Variants in RUBCN observed in about 807,000 individuals in gnomAD.
The protein encoded by RUBCN is run domain Beclin-1-interacting and cysteine-rich domain-containing protein.
In RUBCN, 74 loss-of-function variants were observed where a neutral mutation model predicts 113.2. The ratio of observed to expected loss-of-function variants is 0.65; its 90% confidence interval spans 0.54 to 0.79. RUBCN has a LOEUF of 0.79. Ranked by LOEUF, RUBCN falls within the 30% of genes least tolerant of loss-of-function variation. The probability of loss-of-function intolerance (pLI) is 0.00; values close to 1 mark genes in which losing one functional copy is unlikely to be tolerated. For synonymous variants in RUBCN, 480 were observed against 490.0 expected, an observed-to-expected ratio of 0.98 and a Z score of 0.27; for missense variants, 1,109 against 1,251.7, an observed-to-expected ratio of 0.89 and a Z score of 1.72.
chr3:197,714,268 G>T (rs192507824), intron 2 of RUBCN, among the ~76,000 whole-genome samples: 2 of 152,256 alleles, frequency 1.3e-5, no homozygotes, highest in East Asian at 3.9e-4. Context: ...TGACTCCAAA[G>T]ACTTTTGTCA....
chr3:197,672,331 T>C lies in RUBCN; in HGVS notation c.*2687A>G, dbSNP rs530038039. The C allele has an allele frequency of 2.0e-5, 3 of 152,204 alleles. No individual in the cohort carries two copies. Among genetic ancestry groups the C allele is most frequent in the Non-Finnish European group, 4.4e-5 (3 of 68,036 alleles). 9.4% of individuals were successfully genotyped at this position (152,204 alleles called of 1,614,324 possible). A position where few individuals can be genotyped will look rare whatever the true frequency, so the allele number is the denominator to read the frequency against. The stretch of plus-strand genomic sequence containing the variant: ...TTCATTTAGAAGGAATTCTCTTCAG[T>C]GCATTCAAAGCTTCTCCCCGCAACA... On this transcript the variant is annotated 3_prime_UTR_variant, in exon 20 of 20. Transcript: ENST00000296343.
rs142960880 is a variant in RUBCN at position 197,699,618 on chromosome 3, C to T, written c.1261+995G>A. Among the ~76,000 whole-genome samples the T allele has an allele frequency of 7.2e-4, 109 of 152,298 alleles. No individual in the cohort carries two copies. In the Middle Eastern group the frequency reaches 0.01, roughly 14 times the overall value. ...ACATCTAAGAAAGCTCATGGGAAGA[C>T]AGGCTTTGATTTGGAGATTCTTCTC... On this transcript the variant is annotated intron_variant, in intron 7 of 19. Coordinates refer to ENST00000296343, the MANE Select transcript of RUBCN (RefSeq NM_014687.4).
At chr3:197,701,167 G>A (rs1420165357) in intron 6 of RUBCN, 21 bp from the exon 7 acceptor site, 24 of 1,509,336 alleles carry the variant, frequency 1.6e-5, no homozygotes, top group Non-Finnish European at 2.1e-5. Context: ...AAAGGAAATG[G>A]TAAGGGGAGC....
chr3:197,739,310 G>C (rs994539281), upstream of RUBCN, among the ~76,000 whole-genome samples: 1 of 150,460 alleles, frequency 6.6e-6, no homozygotes, highest in African/African-American at 2.4e-5. Flanking sequence ...AGAATGGCTT[G>C]AACCCAGGAG....
At chr3:197,702,189 C>CT (rs1423612830) in intron 5 of RUBCN, among the ~76,000 whole-genome samples, 2 of 152,332 alleles carry the variant, frequency 1.3e-5, no homozygotes, top group African/African-American at 4.8e-5. Context: ...CACTTATCAG[C>CT]TATTTGATCC....
intron 1 of RUBCN, among the ~76,000 whole-genome samples, chr3:197,722,529 G>T (rs1726281040): frequency 6.6e-6 from 1 of 151,524 alleles, no homozygotes; most frequent in African/African-American, 2.4e-5. Flanking sequence ...GACTGTTACT[G>T]TATCAGACTT....
chr3:197,680,204 A>C (rs573295003), intron 16 of RUBCN, among the ~76,000 whole-genome samples: 2 of 134,150 alleles, frequency 1.5e-5, no homozygotes, highest in Non-Finnish European at 3.2e-5. Context: ...GCTCTAACTG[A>C]CAACTGGCTC....
At position 197,674,647 on chromosome 3, in the gene RUBCN, A is replaced by T. The variant is rs1720131589; in HGVS notation, c.*371T>A. On this transcript the variant is annotated 3_prime_UTR_variant, in exon 20 of 20. Transcript: ENST00000296343. ...GAAGCTCCAGAACTGAAACAAAGGAAAATTGGAAATGATACCTGACATGCA... is the reference window on the plus strand; with the variant it reads ...GAAGCTCCAGAACTGAAACAAAGGATAATTGGAAATGATACCTGACATGCA... 2.4e-6 allele frequency: 1 copy of T among 417,418 alleles called. No homozygotes were observed. Among genetic ancestry groups the T allele is most frequent in the Non-Finnish European group, 4.8e-6 (1 of 208,462 alleles). 25.9% of individuals were successfully genotyped at this position (417,418 alleles called of 1,614,324 possible). A position where few individuals can be genotyped will look rare whatever the true frequency, so the allele number is the denominator to read the frequency against.
intron 2 of RUBCN, among the ~76,000 whole-genome samples, chr3:197,713,969 G>A (rs1725239512): frequency 2.0e-5 from 3 of 151,948 alleles, no homozygotes; most frequent in African/African-American, 7.2e-5. Context: ...CCAGCTACTC[G>A]GGAGGCTGAG....
chr3:197,711,564 G>T (rs2108939030), intron 2 of RUBCN, among the ~76,000 whole-genome samples: 1 of 152,146 alleles, frequency 6.6e-6, no homozygotes, highest in East Asian at 1.9e-4. Flanking sequence ...GCTGGGCATG[G>T]TGGCTCATGC....
chr3:197,743,930 G>GGTGAGA (rs1728631084), intron 1 of RUBCN, among the ~76,000 whole-genome samples: 1 of 152,098 alleles, frequency 6.6e-6, no homozygotes, highest in Admixed American at 6.5e-5. Context: ...GTTGCAGTGA[G>GGTGAGA]TCAAGATTGC....
Position 197,734,694 on chromosome 3 carries a change from C to T in RUBCN, c.65+1961G>A, listed in dbSNP as rs1269188416. 2.6e-5 allele frequency among the ~76,000 whole-genome samples: 4 copies of T among 152,172 alleles called. No individual in the cohort carries two copies. The East Asian group carries it at 7.7e-4, about 29-fold the overall frequency. On this transcript the variant is annotated intron_variant, in intron 1 of 19. Coordinates refer to ENST00000296343, the MANE Select transcript of RUBCN (RefSeq NM_014687.4). ...AAAATAACTAACCCAGCCTCCCTCA[C>T]ATGAAGTGGTAGAGGGAAATCAAAA...
chr3:197,694,213 C>T (rs1384498533), intron 10 of RUBCN, 162 bp downstream of exon 10: 1 of 769,834 alleles, frequency 1.3e-6, no homozygotes. Context: ...ATTTCTGATG[C>T]AGGAAACGGA....
intron 11 of RUBCN, among the ~76,000 whole-genome samples, chr3:197,684,455 A>T (rs1012409892): frequency 2.6e-5 from 4 of 152,192 alleles, no homozygotes; most frequent in African/African-American, 9.7e-5. Flanking sequence ...AAAGTGTTAC[A>T]AACTCAGGCA....
chr3:197,683,751 G>T lies in RUBCN; in HGVS notation c.1848-312C>A, dbSNP rs896998740. 2.6e-5 allele frequency among the ~76,000 whole-genome samples: 4 copies of T among 152,124 alleles called. No individual in the cohort carries two copies. Among genetic ancestry groups the T allele is most frequent in the Non-Finnish European group, 5.9e-5 (4 of 68,030 alleles). ...TTATAATGCCTGCTTACAAAACAAA[G>T]TGAGTAAAATTGCTTTGTGGACTAC... is the stretch of plus-strand genomic sequence containing the variant. On this transcript the variant is annotated intron_variant, in intron 12 of 19. Transcript: ENST00000296343. This position sits in a 1 kb window ranked among gnomAD's most constrained non-coding sequence, Gnocchi z 4.6.
At chr3:197,746,969 T>C (rs1172343514) in intron 1 of RUBCN, among the ~76,000 whole-genome samples, 1 of 151,940 alleles carries the variant, frequency 6.6e-6, no homozygotes, top group African/African-American at 2.4e-5. Flanking sequence ...CAGTGCCTGA[T>C]GCTCAATGAA....
At chr3:197,691,975 C>A (rs967343503) in intron 11 of RUBCN, among the ~76,000 whole-genome samples, 1 of 152,052 alleles carries the variant, frequency 6.6e-6, no homozygotes, top group African/African-American at 2.4e-5. Flanking sequence ...AAATACGCCC[C>A]TTTCAATCAT....
intron 2 of RUBCN, among the ~76,000 whole-genome samples, chr3:197,710,795 T>C (rs954590082): frequency 2.6e-5 from 4 of 152,102 alleles, no homozygotes; most frequent in African/African-American, 9.7e-5. Flanking sequence ...TATAATATCT[T>C]TTCATGCTAA....
At chr3:197,735,441 C>G (rs1728011840) in intron 1 of RUBCN, among the ~76,000 whole-genome samples, 1 of 152,194 alleles carries the variant, frequency 6.6e-6, no homozygotes, top group African/African-American at 2.4e-5. Context: ...AAGTATGACT[C>G]CCTTAAGCCA....
Sources: gnomAD v4.1 joint callset for allele counts (sites outside exome capture counted in the v4.1 genomes callset) on GRCh38, gnomAD v4.1.1 for gene constraint, Gnocchi (gnomAD v3.1) non-coding constraint, MANE v1.5 for transcripts, NCBI Gene and HGNC (gene_info 2026-07-23, HGNC 2026-07-21) for gene names.